FBXO21: variants seen among roughly 807,000 people sequenced by gnomAD.
FBXO21 encodes the protein F-box protein 21.
Under a neutral mutation model 76.6 loss-of-function variants are expected in FBXO21, and 32 were observed. The ratio of observed to expected loss-of-function variants is 0.42; its 90% CI spans 0.32 to 0.56. FBXO21 has a LOEUF of 0.56. Among genes scored for constraint, FBXO21 ranks in the 20% least tolerant of loss-of-function variants. FBXO21 has a pLI of 0.16. For missense variants in FBXO21, 586 were observed against 797.3 expected (o/e 0.73, Z 3.19); for synonymous variants, 328 against 311.5 (o/e 1.05, Z -0.56).
chr12:117,180,244 T>C (rs941446710), intron 3 of FBXO21, among the ~76,000 whole-genome samples: 2 of 152,212 alleles, frequency 1.3e-5, no homozygotes, highest in Non-Finnish European at 2.9e-5. Flanking sequence ...TGTATCAAGA[T>C]GACAATCTGG....
At chr12:117,161,476 A>G (rs1485436526) in intron 9 of FBXO21, among the ~76,000 whole-genome samples, 1 of 151,854 alleles carries the variant, frequency 6.6e-6, no homozygotes, top group Non-Finnish European at 1.5e-5. Flanking sequence ...CAGTGAAGGG[A>G]CCTAATTGAT....
chr12:117,150,956 TTGTGTGTGTGTGTGTGTGTGTGTG>T (rs3999685), intron 11 of FBXO21, among the ~76,000 whole-genome samples: 1 of 94,652 alleles, frequency 1.1e-5, no homozygotes, highest in Non-Finnish European at 2.1e-5. Context: ...TCAAATAAGT[TTGTGTGTGTGTGTGTGTGTGTGTG>T]TGTGTGTGTG....
At chr12:117,156,553 T>TA (rs1375240198) in intron 10 of FBXO21, among the ~76,000 whole-genome samples, 1 of 152,142 alleles carries the variant, frequency 6.6e-6, no homozygotes, top group Admixed American at 6.5e-5. Flanking sequence ...CTTTTAGAGG[T>TA]ACATACTGAA....
At chr12:117,174,519 G>C in intron 5 of FBXO21, 132 bp downstream of exon 5, 4 of 1,234,600 alleles carry the variant, frequency 3.2e-6, no homozygotes, top group Non-Finnish European at 4.6e-6. Flanking sequence ...ACTTCAACCA[G>C]GTAAACACGT....
chr12:117,172,638 G>A, intron 6 of FBXO21, 31 bp from the exon 7 acceptor site: 1 of 1,604,458 alleles, frequency 6.2e-7, no homozygotes, highest in South Asian at 1.1e-5. Flanking sequence ...TTATTTCACT[G>A]GGATGAACTA....
In FBXO21 at chr12:117,178,283, G is replaced by A. The variant is rs550418676; in HGVS notation, c.471-642C>T. On this transcript the variant is annotated intron_variant, in intron 3 of 11. Transcript: ENST00000622495. ...TTAAGACCTGTCAGCCAATGCTATC[G>A]GTACTATCTTCAAATTACATCCAAA... Among the ~76,000 whole-genome samples the A allele has an allele frequency of 2.4e-4, 37 of 152,036 alleles. 1 individual carries two copies. The highest frequency in any genetic ancestry group is 8.4e-4 in the African/African-American group (35 of 41,434).
At chr12:117,151,989 C>T (rs1955847457) in intron 11 of FBXO21, among the ~76,000 whole-genome samples, 1 of 152,226 alleles carries the variant, frequency 6.6e-6, no homozygotes, top group Admixed American at 6.5e-5. Context: ...AGCCAAGTGA[C>T]CAAACTCAGT....
chr12:117,183,505 G>A (rs1437866616), intron 3 of FBXO21, among the ~76,000 whole-genome samples: 1 of 152,074 alleles, frequency 6.6e-6, no homozygotes, highest in African/African-American at 2.4e-5. Flanking sequence ...GATGATCCAA[G>A]GACTTGGCCT....
chr12:117,176,955 A>C (rs1235625766), intron 4 of FBXO21, among the ~76,000 whole-genome samples: 1 of 116,754 alleles, frequency 8.6e-6, no homozygotes, highest in African/African-American at 3.6e-5. Flanking sequence ...ATATTGTAGG[A>C]ATTCAAAATC....
intron 9 of FBXO21, among the ~76,000 whole-genome samples, chr12:117,164,940 G>A (rs532575150): frequency 5.3e-5 from 8 of 152,280 alleles, no homozygotes; most frequent in South Asian, 2.1e-4. Context: ...GGTAAACACC[G>A]CAGCCTTCTG....
At chr12:117,151,315 T>C (rs906628879) in intron 11 of FBXO21, among the ~76,000 whole-genome samples, 3 of 149,630 alleles carry the variant, frequency 2.0e-5, no homozygotes, top group Non-Finnish European at 3.0e-5. Context: ...ATTACACACA[T>C]GCAAGATGCC....
chr12:117,173,036 A>ATTT, intron 6 of FBXO21, among the ~76,000 whole-genome samples: 1 of 143,900 alleles, frequency 6.9e-6, no homozygotes, highest in Non-Finnish European at 1.5e-5. Context: ...TGCTGAAATA[A>ATTT]TTTTTTTTTT....
rs182068183 is a variant in FBXO21, at chr12:117,162,476, T to C, written c.1326+3009A>G. On this transcript the variant is annotated intron_variant, in intron 9 of 11. Coordinates refer to ENST00000622495, the MANE Select transcript of FBXO21 (RefSeq NM_015002.3). Reference sequence around the variant, plus strand: ...TCCCATATGGCAAAAAGAAAAATAATATCTACCCTATAGGGCTGCTAAGAA... The same window carrying C: ...TCCCATATGGCAAAAAGAAAAATAACATCTACCCTATAGGGCTGCTAAGAA... 5.9e-3 allele frequency among the ~76,000 whole-genome samples: 897 copies of C among 152,286 alleles called. 5 individuals are homozygous for C. Among genetic ancestry groups the C allele is most frequent in the Non-Finnish European group, 0.011 (715 of 68,006 alleles).
chr12:117,152,462 C>CA (rs5801220), intron 11 of FBXO21, among the ~76,000 whole-genome samples: 12,673 of 103,632 alleles, frequency 0.12, 1,786 homozygotes, highest in African/African-American at 0.36. Flanking sequence ...CACCCTGTCT[C>CA]AAAAAAAAAA....
intron 3 of FBXO21, among the ~76,000 whole-genome samples, chr12:117,186,014 A>G (rs1956279700): frequency 6.6e-6 from 1 of 151,978 alleles, no homozygotes; most frequent in African/African-American, 2.4e-5. Flanking sequence ...CTGGGATTAC[A>G]GGTGTGTACC....
chr12:117,149,488 C>T (rs1177358560), intron 11 of FBXO21, among the ~76,000 whole-genome samples: 1 of 152,196 alleles, frequency 6.6e-6, no homozygotes, highest in East Asian at 1.9e-4. Context: ...GTTGCCAGTT[C>T]GTCTGGAGCA....
chr12:117,186,857 T>C (rs1956288262), intron 2 of FBXO21, among the ~76,000 whole-genome samples: 1 of 152,240 alleles, frequency 6.6e-6, no homozygotes. Context: ...CCGGCCATAG[T>C]GGTTCATGAC....
Position 117,165,478 on chromosome 12 carries a change from T to C in FBXO21, c.1326+7A>G. 1 of 1,612,372 alleles carries C rather than the reference T, an allele frequency of 6.2e-7. No homozygotes were observed. The highest frequency in any genetic ancestry group is 2.2e-5 in the East Asian group (1 of 44,874). On this transcript the variant is annotated splice_region_variant and intron_variant, in intron 9 of 11. Transcript: ENST00000622495. ...GCAAGTGCAAAGCATCAAAGTAAAA[T>C]AATTACCTTCTCTGGCCAGATTCCC... is the stretch of plus-strand genomic sequence containing the variant.
chr12:117,155,877 A>G lies in FBXO21; in HGVS notation c.1589T>C (p.Met530Thr). 1.9e-6 allele frequency: 3 copies of G among 1,614,194 alleles called. No homozygotes were observed. Among genetic ancestry groups the G allele is most frequent in the Non-Finnish European group, 2.5e-6 (3 of 1,180,022 alleles). Residue 530 changes from methionine (M) to threonine (T), a missense_variant, in exon 11 of 12, where the codon ATG (methionine) becomes ACG (threonine). Physicochemically the swap from Met to Thr is moderately conservative, Grantham distance 81. Transcript: ENST00000622495. ...GCCGTGCGGCAGGCTGTGGACGTTC[A>G]TGTTCCGGATCCACTCGTGTCCCAT... ...CMMGHEWIRN[M>T]NVHSLPHGHH...
Sources: gnomAD v4.1 joint callset for allele counts (sites outside exome capture counted in the v4.1 genomes callset) on GRCh38, gnomAD v4.1.1 for gene constraint, MANE v1.5 for transcripts, NCBI Gene and HGNC (gene_info 2026-07-23, HGNC 2026-07-21) for gene names.